The following DDHD2 variants were observed in gnomAD, a reference collection of about 807,000 sequenced individuals.
DDHD2 encodes DDHD domain containing 2.
Under a neutral mutation model 91.2 loss-of-function variants are expected in DDHD2, and 62 were observed. The observed-to-expected ratio is 0.68, with a 90% CI of 0.55 to 0.84. The LOEUF (loss-of-function observed/expected upper bound fraction) is 0.84, where lower values mean the gene tolerates loss of function less well. Among genes scored for constraint, DDHD2 ranks in the 40% least tolerant of loss-of-function variants. The pLI is 0.00. For missense variants in DDHD2, 740 were observed against 846.9 expected, an observed-to-expected ratio of 0.87 and a Z score of 1.57; for synonymous variants, 271 against 293.9, an observed-to-expected ratio of 0.92 and a Z score of 0.80.
Position 38,242,272 on chromosome 8 carries a change from C to A in DDHD2, c.735C>A (p.Ser245=). 6.3e-7 allele frequency: 1 copy of A among 1,593,138 alleles called. No homozygotes were observed. The highest frequency in any genetic ancestry group is 1.4e-5 in the African/African-American group (1 of 73,552). ...CAGTTAATGATTTTCGCAGTGTTTC[C>A]TTGAACTTGCTACAGACACATTTTA... ...VQCVNDFRSV[S]LNLLQTHFKK... Residue 245 remains serine (S), a synonymous_variant, in exon 7 of 18, where the codon TCC becomes TCA. Transcript: ENST00000397166.
intron 16 of DDHD2, among the ~76,000 whole-genome samples, chr8:38,257,725 T>C (rs1262992079): frequency 6.8e-6 from 1 of 146,064 alleles, no homozygotes; most frequent in Non-Finnish European, 1.5e-5. Context: ...AGTGCAATGG[T>C]GTGATCTCGG....
downstream of DDHD2, chr8:38,267,836 T>C: frequency 2.0e-6 from 3 of 1,496,132 alleles, no homozygotes; most frequent in Non-Finnish European, 2.8e-6. Context: ...ACCATTAACC[T>C]CTCTGTTCTG....
intron 3 of DDHD2, among the ~76,000 whole-genome samples, chr8:38,236,446 C>T (rs1463870060): frequency 6.6e-6 from 1 of 151,904 alleles, no homozygotes; most frequent in Non-Finnish European, 1.5e-5. Context: ...CCTCTGCATC[C>T]TGGGTTCAAG....
intron 2 of DDHD2, 87 bp from the exon 3 acceptor site, chr8:38,234,307 A>G (rs1804528243): frequency 1.0e-6 from 1 of 1,001,238 alleles, no homozygotes; most frequent in Admixed American, 3.0e-5. Flanking sequence ...GTGTTTCATA[A>G]CATTATTTAG....
chr8:38,268,110 CT>C (rs1260059751), intron 1 of DDHD2: 1 of 1,460,596 alleles, frequency 6.8e-7, no homozygotes, highest in Non-Finnish European at 9.0e-7. Flanking sequence ...AGTGATCACT[CT>C]TTTGTAGCCG....
chr8:38,253,781 G>A lies in DDHD2; in HGVS notation c.2054+63G>A, dbSNP rs1396389453. ...CCTGTTTCATAGATATTTGATAGAT[G>A]TAGAAAAAGGAGGATAGGCCAGGTG... On this transcript the variant is annotated intron_variant, in intron 16 of 17. Coordinates refer to ENST00000397166, the MANE Select transcript of DDHD2 (RefSeq NM_015214.3). 5.2e-6 allele frequency: 8 copies of A among 1,537,218 alleles called. No homozygotes were observed. The African/African-American group carries it at 9.6e-5, about 18-fold the overall frequency.
chr8:38,247,569 T>C, intron 9 of DDHD2, 144 bp from the exon 10 acceptor site: 1 of 478,194 alleles, frequency 2.1e-6, no homozygotes, highest in Non-Finnish European at 3.5e-6. Flanking sequence ...CCTTGGAACC[T>C]CTTAATTTAT....
chr8:38,268,115 G>A, intron 1 of DDHD2: 3 of 1,455,968 alleles, frequency 2.1e-6, no homozygotes, highest in South Asian at 2.9e-5. Context: ...TCACTCTTTT[G>A]TAGCCGAGAA....
At chr8:38,236,854 G>T (rs1212343021) in intron 3 of DDHD2, among the ~76,000 whole-genome samples, 1 of 151,770 alleles carries the variant, frequency 6.6e-6, no homozygotes, top group African/African-American at 2.4e-5. Context: ...TAGTAAAAAT[G>T]GGGTTTTGCC....
At chr8:38,267,760 T>C (rs1807884732), downstream of DDHD2, 2 of 934,938 alleles carry the variant, frequency 2.1e-6, no homozygotes, top group Non-Finnish European at 3.3e-6. Context: ...GAGTAAGCGT[T>C]GAATGACAAA....
intron 3 of DDHD2, among the ~76,000 whole-genome samples, chr8:38,235,526 A>C (rs1030723907): frequency 1.4e-4 from 21 of 151,932 alleles, no homozygotes; most frequent in Non-Finnish European, 2.6e-4. Context: ...GTTTGAGACC[A>C]GCCTGACCAA....
At chr8:38,259,861 G>A (rs771629886) in intron 16 of DDHD2, among the ~76,000 whole-genome samples, 179 bp from the exon 17 acceptor site, 23 of 152,176 alleles carry the variant, frequency 1.5e-4, no homozygotes, top group Non-Finnish European at 2.8e-4. Flanking sequence ...TAATGCCAGA[G>A]TTCTTTGCCA....
In DDHD2 at chr8:38,239,717, A is replaced by G. The variant is rs1270322498; in HGVS notation, c.623-558A>G. ...AAAAAAAAACCATAATTTAAAAAAA[A>G]AAAAAAAAGAGTTTTTTTTTTTGGA... On this transcript the variant is annotated intron_variant, in intron 5 of 17. Coordinates refer to ENST00000397166, the MANE Select transcript of DDHD2 (RefSeq NM_015214.3). 2.7e-5 allele frequency among the ~76,000 whole-genome samples: 4 copies of G among 148,922 alleles called. No homozygotes were observed. In the East Asian group the frequency reaches 7.9e-4, roughly 29 times the overall value.
Position 38,252,705 on chromosome 8 carries a change from T to C in DDHD2, c.1618-17T>C. On this transcript the variant is annotated splice_polypyrimidine_tract_variant and intron_variant, in intron 13 of 17. Coordinates refer to ENST00000397166, the MANE Select transcript of DDHD2 (RefSeq NM_015214.3). ...TGCTTAGCAGAGGTAAATGTAGCTCTTGTTTTTCCTATGTAGTTTGATCCT... is the reference window on the plus strand; with the variant it reads ...TGCTTAGCAGAGGTAAATGTAGCTCCTGTTTTTCCTATGTAGTTTGATCCT... 1 of 1,593,112 alleles carries C rather than the reference T, an allele frequency of 6.3e-7. No individual in the cohort carries two copies. The highest frequency in any genetic ancestry group is 8.6e-7 in the Non-Finnish European group (1 of 1,161,598).
Position 38,236,327 on chromosome 8 carries a change from G to GT in DDHD2, c.412-1199dup, listed in dbSNP as rs72487313. Among the ~76,000 whole-genome samples the GT allele has an allele frequency of 8.0e-3, 1,083 of 135,714 alleles. 3 individuals are homozygous for GT. The highest frequency in any genetic ancestry group is 0.012 in the South Asian group (51 of 4,204). The allele number at this position is 135,714 out of a possible 152,430, so 89.0% of individuals were successfully genotyped here. ...ACGCCCAGCCTTTTTCTTGTTTTTG[G>GT]TTTTTTTTTTTTGCTTTTTTTGTTT... On this transcript the variant is annotated intron_variant, in intron 3 of 17. Transcript: ENST00000397166.
Position 38,237,553 on chromosome 8 carries a change from G to C in DDHD2, c.427G>C (p.Ala143Pro). Residue 143 changes from alanine to proline, a missense_variant, in exon 4 of 18, where the codon GCT (alanine) becomes CCT (proline). Physicochemically the swap from Ala to Pro is conservative, Grantham distance 27 (BLOSUM62 -1). Around this residue, in one of 2 missense-constraint regions of DDHD2, gnomAD observed 693 missense variants for 764.2 expected, o/e 0.91. Transcript: ENST00000397166. Reference sequence around the variant, plus strand: ...TTCTTTTAAGGAAACTTACATGCTTGCTGTAACTTTGGATGAATGGAAAAA... The same window carrying C: ...TTCTTTTAAGGAAACTTACATGCTTCCTGTAACTTTGGATGAATGGAAAAA... ...SQVLEETYML[A>P]VTLDEWKKKL... 6.3e-7 allele frequency: 1 copy of C among 1,587,618 alleles called. No individual in the cohort carries two copies. Among genetic ancestry groups the C allele is most frequent in the Non-Finnish European group, 8.6e-7 (1 of 1,162,470 alleles).
chr8:38,264,954 A>G (rs945957831), downstream of DDHD2: 7 of 1,595,434 alleles, frequency 4.4e-6, no homozygotes, highest in African/African-American at 8.1e-5. Flanking sequence ...AGGGTCCTAG[A>G]GGAAGGAATA....
downstream of DDHD2, chr8:38,266,432 G>A (rs1254009159): frequency 1.0e-6 from 1 of 999,122 alleles, no homozygotes; most frequent in Non-Finnish European, 1.5e-6. Context: ...AGACAGTCTT[G>A]CTCTGTCGCC....
intron 2 of DDHD2, 54 bp from the exon 3 acceptor site, chr8:38,234,340 T>C: frequency 7.4e-7 from 1 of 1,348,684 alleles, no homozygotes; most frequent in South Asian, 1.5e-5. Flanking sequence ...AATTGTATGT[T>C]GGGAGATTTA....
Sources: gnomAD v4.1 joint callset for allele counts (sites outside exome capture counted in the v4.1 genomes callset) on GRCh38, gnomAD v4.1.1 for gene constraint, gnomAD v4.1.1 regional missense constraint, MANE v1.5 for transcripts, NCBI Gene and HGNC (gene_info 2026-07-23, HGNC 2026-07-21) for gene names.